The following SCP2 variants were observed in gnomAD, a reference collection of about 807,000 sequenced individuals.
The protein encoded by SCP2 is sterol carrier protein 2, also known as SCP-2/3-oxoacyl-CoA thiolase.
SCP2 carries 48 observed loss-of-function variants against 71.4 expected under a neutral mutation model. That is an observed-to-expected ratio of 0.67 (90% CI 0.53 to 0.86). SCP2 has a LOEUF of 0.86. Ranked by LOEUF, SCP2 falls within the 40% of genes least tolerant of loss-of-function variation. SCP2 has a pLI of 0.00. For synonymous variants in SCP2, 220 were observed against 218.1 expected (o/e 1.01, Z -0.08); for missense variants, 560 against 655.6 (o/e 0.85, Z 1.59).
chr1:53,048,996 T>C (rs554427932), intron 15 of SCP2: 1 of 152,388 alleles, frequency 6.6e-6, no homozygotes, highest in East Asian at 1.9e-4. Context: ...CCACTTGCTT[T>C]TTTAAAATGC....
intron 14 of SCP2, among the ~76,000 whole-genome samples, chr1:53,039,958 C>T (rs1442819313): frequency 6.6e-6 from 1 of 152,180 alleles, no homozygotes; most frequent in East Asian, 1.9e-4. Flanking sequence ...ATGTACTCCT[C>T]CTGCTGTTGC....
At chr1:52,995,293 G>T (rs1218889847) in intron 11 of SCP2, 2 of 484,102 alleles carry the variant, frequency 4.1e-6, no homozygotes, top group Non-Finnish European at 8.3e-6. Context: ...TCAGTCGGTA[G>T]AGAACACTGA....
intron 13 of SCP2, among the ~76,000 whole-genome samples, chr1:53,034,383 A>G (rs1250877721): frequency 6.6e-6 from 1 of 150,800 alleles, no homozygotes; most frequent in Non-Finnish European, 1.5e-5. Context: ...TTTCATTTAT[A>G]TGAAATGTCC....
intron 11 of SCP2, among the ~76,000 whole-genome samples, chr1:52,991,844 C>G (rs1659537810): frequency 6.6e-6 from 1 of 151,800 alleles, no homozygotes; most frequent in African/African-American, 2.4e-5. Flanking sequence ...GCTCTATAAA[C>G]TTCATGGGAC....
At chr1:52,947,805 C>T (rs182127903) in intron 2 of SCP2, among the ~76,000 whole-genome samples, 6 of 152,002 alleles carry the variant, frequency 3.9e-5, no homozygotes, top group African/African-American at 9.7e-5. Context: ...AAAGGAGATA[C>T]GGAAAAGTGA....
chr1:53,015,302 T>A (rs1391301875), intron 12 of SCP2, among the ~76,000 whole-genome samples: 1 of 152,132 alleles, frequency 6.6e-6, no homozygotes, highest in African/African-American at 2.4e-5. Context: ...TGGGTATGGG[T>A]CTCGGCCCTA....
intron 11 of SCP2, among the ~76,000 whole-genome samples, chr1:52,989,615 C>T: frequency 6.6e-6 from 1 of 152,124 alleles, no homozygotes; most frequent in East Asian, 1.9e-4. Context: ...CTGACAGTGT[C>T]CTGGTAAACC....
intron 5 of SCP2, among the ~76,000 whole-genome samples, chr1:52,956,370 T>C (rs939475815): frequency 3.3e-5 from 5 of 152,304 alleles, no homozygotes; most frequent in South Asian, 4.1e-4. Flanking sequence ...ATCTAACTTA[T>C]GTGATCAACC....
Position 53,032,454 on chromosome 1 carries a change from T to G in SCP2, c.1338+4383T>G, listed in dbSNP as rs149333317. Among the ~76,000 whole-genome samples the G allele has an allele frequency of 6.3e-3, 956 of 152,190 alleles. 7 individuals are homozygous for G. Among genetic ancestry groups the G allele is most frequent in the Middle Eastern group, 0.014 (4 of 294 alleles). On this transcript the variant is annotated intron_variant, in intron 13 of 15. Coordinates refer to ENST00000371514, the MANE Select transcript of SCP2 (RefSeq NM_002979.5). ...AAAAGAGTTAGCATGTGAGCTGAGA[T>G]TTGAATGATGAGGTCAGGGGTGGGA...
At chr1:52,980,303 GT>G (rs1658368834) in intron 9 of SCP2, 92 bp from the exon 10 acceptor site, 1 of 1,183,272 alleles carries the variant, frequency 8.5e-7, no homozygotes, top group Non-Finnish European at 1.2e-6. Flanking sequence ...TCAATTATCA[GT>G]TGTTAAGGTT....
intron 1 of SCP2, among the ~76,000 whole-genome samples, chr1:52,938,237 A>G (rs539712381): frequency 1.3e-5 from 2 of 152,328 alleles, no homozygotes; most frequent in South Asian, 4.1e-4. Flanking sequence ...TTGGTATCCT[A>G]CCTTGAAATA....
chr1:52,948,497 C>T (rs1003680061), intron 3 of SCP2, among the ~76,000 whole-genome samples: 2 of 151,822 alleles, frequency 1.3e-5, no homozygotes, highest in African/African-American at 2.4e-5. Context: ...ACAAAAAATG[C>T]GCCTGTAGTC....
intron 14 of SCP2, 143 bp downstream of exon 14, chr1:53,039,189 C>G: frequency 9.8e-7 from 1 of 1,023,334 alleles, no homozygotes; most frequent in East Asian, 2.6e-5. Flanking sequence ...GGAACAGGAA[C>G]AGGTCAAAGC....
chr1:52,929,360 A>AC (rs1553140353), intron 1 of SCP2, among the ~76,000 whole-genome samples: 17 of 151,680 alleles, frequency 1.1e-4, no homozygotes, highest in Non-Finnish European at 2.1e-4. Flanking sequence ...TTAAAAAAAA[A>AC]TTTTTTTTGT....
chr1:52,976,557 G>C (rs902761824), intron 7 of SCP2, 126 bp from the exon 8 acceptor site: 4 of 680,436 alleles, frequency 5.9e-6, no homozygotes, highest in East Asian at 5.3e-5. Context: ...GACATTTATG[G>C]CTATTCATAA....
At position 53,009,406 on chromosome 1, in the gene SCP2, A is replaced by C. The variant is rs889972475; in HGVS notation, c.1082-5484A>C. On this transcript the variant is annotated intron_variant, in intron 11 of 15. Coordinates refer to ENST00000371514, the MANE Select transcript of SCP2 (RefSeq NM_002979.5). ...ACAAGGCTACAGTAACCAAAACAGC[A>C]TGGTACTGGTATCAAAACAGAGATA... Among the ~76,000 whole-genome samples, 32 of 152,394 alleles carry C rather than the reference A, an allele frequency of 2.1e-4. 1 individual carries two copies. The highest frequency in any genetic ancestry group is 1.7e-3 in the Admixed American group (26 of 15,312).
chr1:52,991,454 G>C lies in SCP2; in HGVS notation c.1081+3318G>C, dbSNP rs558732853. 2.6e-5 allele frequency among the ~76,000 whole-genome samples: 4 copies of C among 151,030 alleles called. No individual in the cohort carries two copies. The South Asian group carries it at 8.3e-4, about 31-fold the overall frequency. ...CTTGCTTTGTCGCCCAGGCTGGAGC[G>C]CAGTAGCGCGATCTTGGCTCACTGC... On this transcript the variant is annotated intron_variant, in intron 11 of 15. Transcript: ENST00000371514.
At chr1:53,028,093 G>A (rs1305167498) in intron 13 of SCP2, 22 bp downstream of exon 13, 1 of 1,351,114 alleles carries the variant, frequency 7.4e-7, no homozygotes, top group South Asian at 1.2e-5. Context: ...GTAAAATATT[G>A]CCAGGAAGGA....
Position 53,024,792 on chromosome 1 carries a change from G to A in SCP2, c.1236-3177G>A, listed in dbSNP as rs1421887478. On this transcript the variant is annotated intron_variant, in intron 12 of 15. Coordinates refer to ENST00000371514, the MANE Select transcript of SCP2 (RefSeq NM_002979.5). ...TCACTATGTTGGCCAGGCTGGTCTC[G>A]AACTCCTGACCTCAGGTGATCCACC... 9.2e-5 allele frequency among the ~76,000 whole-genome samples: 14 copies of A among 151,748 alleles called. 1 individual carries two copies. Among genetic ancestry groups the A allele is most frequent in the African/African-American group, 2.4e-4 (10 of 41,292 alleles).
Sources: allele counts gnomAD v4.1 joint callset (sites outside exome capture counted in the v4.1 genomes callset), GRCh38; gene constraint gnomAD v4.1.1; transcripts MANE v1.5; gene names NCBI Gene and HGNC (gene_info 2026-07-23, HGNC 2026-07-21).